The following IL1RAPL1 variants were observed in gnomAD, a reference collection of about 807,000 sequenced individuals.
The protein encoded by IL1RAPL1 is interleukin 1 receptor accessory protein like 1.
In IL1RAPL1, 3 loss-of-function variants were observed where a neutral mutation model predicts 48.4. That is an observed-to-expected ratio of 0.06 (90% CI 0.03 to 0.16). The LOEUF is 0.16. Among genes scored for constraint, IL1RAPL1 ranks in the 10% least tolerant of loss-of-function variants. The pLI, the probability that IL1RAPL1 is intolerant of heterozygous loss-of-function variation, is 1.00. For synonymous variants in IL1RAPL1, 185 were observed against 187.7 expected (o/e 0.99, Z 0.12); for missense variants, 349 against 530.6 (o/e 0.66, Z 3.36).
intron 2 of IL1RAPL1, among the ~76,000 whole-genome samples, chrX:29,023,644 AG>A (rs769873955): frequency 8.9e-6 from 1 of 112,556 alleles, no homozygotes; most frequent in Admixed American, 9.4e-5. Flanking sequence ...TATGCAAAAG[AG>A]GGATGTTACT....
At chrX:29,260,694 G>C (rs970913799) in intron 2 of IL1RAPL1, among the ~76,000 whole-genome samples, 1 of 111,250 alleles carries the variant, frequency 9.0e-6, no homozygotes, top group East Asian at 2.8e-4. Flanking sequence ...TGTGCTGCAA[G>C]AGGGTATATG....
At chrX:29,527,890 C>G (rs1371864337) in intron 5 of IL1RAPL1, among the ~76,000 whole-genome samples, 2 of 111,098 alleles carry the variant, frequency 1.8e-5, no homozygotes, top group Non-Finnish European at 3.8e-5. Context: ...ATAAATGATC[C>G]TTAAGCATAT....
chrX:29,249,578 T>G (rs1931571001), intron 2 of IL1RAPL1, among the ~76,000 whole-genome samples: 1 of 111,961 alleles, frequency 8.9e-6, no homozygotes, highest in African/African-American at 3.3e-5. Context: ...TTCAATTTTT[T>G]TCCTTCAGAG....
In IL1RAPL1 at chrX:29,296,614, G is replaced by A. The variant is rs367699447; in HGVS notation, c.362+13397G>A. Among the ~76,000 whole-genome samples, 37 of 108,810 alleles carry A rather than the reference G, an allele frequency of 3.4e-4. 1 individual carries two copies. Among genetic ancestry groups the A allele is most frequent in the African/African-American group, 1.2e-3 (36 of 29,836 alleles). The allele number at this position is 108,810 out of a possible 115,157, so 94.5% of individuals were successfully genotyped here. ...TTCAGTACCACCATACCTACCCCCA[G>A]TACATACACAAGCATCCTGCCCTCA... is the stretch of plus-strand genomic sequence containing the variant. On this transcript the variant is annotated intron_variant, in intron 3 of 10. Coordinates refer to ENST00000378993, the MANE Select transcript of IL1RAPL1 (RefSeq NM_014271.4).
chrX:29,502,566 A>G (rs1174129733), intron 5 of IL1RAPL1, among the ~76,000 whole-genome samples: 1 of 111,616 alleles, frequency 9.0e-6, no homozygotes, highest in Admixed American at 9.5e-5. Flanking sequence ...TTCAGTATCT[A>G]TTGAAATGAT....
At chrX:28,794,288 C>T (rs1424824069) in intron 2 of IL1RAPL1, among the ~76,000 whole-genome samples, 1 of 110,733 alleles carries the variant, frequency 9.0e-6, no homozygotes, top group Non-Finnish European at 1.9e-5. Flanking sequence ...GAAAATGATT[C>T]TTCGAGTATT....
intron 6 of IL1RAPL1, among the ~76,000 whole-genome samples, chrX:29,810,930 G>C (rs1275185940): frequency 9.0e-6 from 1 of 111,596 alleles, no homozygotes; most frequent in Non-Finnish European, 1.9e-5. Context: ...AAAAATAAAA[G>C]GTACTTTTAA....
At chrX:29,882,057 G>A (rs753525268) in intron 6 of IL1RAPL1, among the ~76,000 whole-genome samples, 10 of 111,703 alleles carry the variant, frequency 9.0e-5, no homozygotes, top group Non-Finnish European at 1.5e-4. Context: ...AGAACTGATG[G>A]TAGATTATTT....
intron 2 of IL1RAPL1, among the ~76,000 whole-genome samples, chrX:29,048,340 T>A (rs1927020689): frequency 8.9e-6 from 1 of 112,013 alleles, no homozygotes; most frequent in African/African-American, 3.2e-5. Flanking sequence ...TTTATTAGTG[T>A]TCTATGCCAA....
chrX:29,859,531 A>G (rs1447475093), intron 6 of IL1RAPL1, among the ~76,000 whole-genome samples: 2 of 112,175 alleles, frequency 1.8e-5, no homozygotes, highest in Non-Finnish European at 3.8e-5. Context: ...GACCAGCATA[A>G]GAACCATCTA....
Position 29,918,378 on chromosome X carries a change from G to A in IL1RAPL1, c.911+782G>A, listed in dbSNP as rs773093465. 1.1e-4 allele frequency among the ~76,000 whole-genome samples: 11 copies of A among 101,619 alleles called. No individual in the cohort carries two copies. The East Asian group carries it at 1.8e-3, about 17-fold the overall frequency. 88.2% of individuals were successfully genotyped at this position (101,619 alleles called of 115,157 possible). On this transcript the variant is annotated intron_variant, in intron 7 of 10. Coordinates refer to ENST00000378993, the MANE Select transcript of IL1RAPL1 (RefSeq NM_014271.4). ...AAATTAGCCGGGCATGGTGGTGGGC[G>A]CCTGTAGTCCCAGCTACTCGGGAGG...
At chrX:29,593,274 T>C (rs773461340) in intron 5 of IL1RAPL1, among the ~76,000 whole-genome samples, 6 of 111,728 alleles carry the variant, frequency 5.4e-5, no homozygotes, top group South Asian at 3.7e-4. Flanking sequence ...TGTGATGTCA[T>C]TGGTGACACT....
At chrX:28,884,616 G>A (rs1020220133) in intron 2 of IL1RAPL1, among the ~76,000 whole-genome samples, 21 of 111,448 alleles carry the variant, frequency 1.9e-4, no homozygotes, top group Non-Finnish European at 3.2e-4. Context: ...ATCTATATTC[G>A]AAAATATATT....
intron 5 of IL1RAPL1, among the ~76,000 whole-genome samples, chrX:29,663,267 G>A (rs944320355): frequency 8.9e-6 from 1 of 112,212 alleles, no homozygotes; most frequent in Admixed American, 9.4e-5. Flanking sequence ...ACAACCTATT[G>A]TAAAATGGAG....
At chrX:29,537,626 T>TAA (rs149419868) in intron 5 of IL1RAPL1, among the ~76,000 whole-genome samples, 44 of 83,503 alleles carry the variant, frequency 5.3e-4, no homozygotes, top group African/African-American at 1.5e-3. Flanking sequence ...GAATATTTGG[T>TAA]AAAAAAAAAA....
chrX:28,599,557 C>G (rs182244562), intron 1 of IL1RAPL1, among the ~76,000 whole-genome samples: 36 of 111,578 alleles, frequency 3.2e-4, no homozygotes, highest in Non-Finnish European at 4.7e-4. Context: ...TCCCTACTAA[C>G]CACTGTCCTT....
At chrX:29,334,478 A>G (rs1207804858) in intron 3 of IL1RAPL1, among the ~76,000 whole-genome samples, 347 of 97,831 alleles carry the variant, frequency 3.5e-3, no homozygotes, top group Middle Eastern at 0.019. Context: ...TCCCTCCCGG[A>G]CGGGGTGGCT....
At chrX:28,784,278 A>G (rs1440229407) in intron 1 of IL1RAPL1, among the ~76,000 whole-genome samples, 3 of 112,151 alleles carry the variant, frequency 2.7e-5, no homozygotes, top group Non-Finnish European at 5.6e-5. Flanking sequence ...GGATACTTCA[A>G]TTTTTGATTA....
At chrX:29,442,765 G>A (rs772608405) in intron 5 of IL1RAPL1, among the ~76,000 whole-genome samples, 1 of 109,410 alleles carries the variant, frequency 9.1e-6, no homozygotes, top group African/African-American at 3.3e-5. Flanking sequence ...GGCTGAGGTA[G>A]GAGGGTCACT....
Sources: gnomAD v4.1 joint callset for allele counts (sites outside exome capture counted in the v4.1 genomes callset) on GRCh38, gnomAD v4.1.1 for gene constraint, MANE v1.5 for transcripts, NCBI Gene and HGNC (gene_info 2026-07-23, HGNC 2026-07-21) for gene names.